Variants in MSRA observed in about 807,000 individuals in gnomAD.
The protein encoded by MSRA is methionine sulfoxide reductase A, also known as mitochondrial peptide methionine sulfoxide reductase.
MSRA carries 54 observed loss-of-function variants against 31.3 expected under a neutral mutation model. The ratio of observed to expected loss-of-function variants is 1.73; its 90% CI spans 1.39 to 2.17. MSRA has a LOEUF of 2.17. MSRA is among the 30% of genes most tolerant of loss of function. The pLI, the probability that MSRA is intolerant of heterozygous loss-of-function variation, is 0.00. For synonymous variants in MSRA, 169 were observed against 116.5 expected, an observed-to-expected ratio of 1.45 and a Z score of -2.90; for missense variants, 507 against 300.9, an observed-to-expected ratio of 1.69 and a Z score of -5.07.
chr8:10,256,550 A>G (rs1036510947), intron 3 of MSRA, among the ~76,000 whole-genome samples: 2 of 152,226 alleles, frequency 1.3e-5, no homozygotes, highest in South Asian at 4.1e-4. Flanking sequence ...AGCTGATATC[A>G]GGCAACTGGG....
intron 1 of MSRA, among the ~76,000 whole-genome samples, chr8:10,151,093 G>A (rs1340902253): frequency 6.6e-6 from 1 of 151,644 alleles, no homozygotes; most frequent in Non-Finnish European, 1.5e-5. Context: ...AAAGGAGGAG[G>A]TTAGGGGAGG....
chr8:10,228,591 A>C (rs1379157525), intron 2 of MSRA, among the ~76,000 whole-genome samples: 2 of 152,318 alleles, frequency 1.3e-5, no homozygotes, highest in East Asian at 3.9e-4. Flanking sequence ...AGGCATCCGT[A>C]GTGGTCCACA....
At position 10,103,870 on chromosome 8, in the gene MSRA, A is replaced by G. The variant is rs544742795; in HGVS notation, c.142+49212A>G. 1.7e-3 allele frequency among the ~76,000 whole-genome samples: 265 copies of G among 152,244 alleles called. 1 individual carries two copies. Among genetic ancestry groups the G allele is most frequent in the African/African-American group, 6.1e-3 (255 of 41,540 alleles). On this transcript the variant is annotated intron_variant, in intron 1 of 5. Transcript: ENST00000317173. Reference sequence around the variant, plus strand: ...GTTAAAAAAAAAAATTAAGGATATAACTAAAGCCTTACTCTCTCTCACGTC... The same window carrying G: ...GTTAAAAAAAAAAATTAAGGATATAGCTAAAGCCTTACTCTCTCTCACGTC...
At chr8:10,218,525 A>G (rs1810204959) in intron 2 of MSRA, among the ~76,000 whole-genome samples, 1 of 152,202 alleles carries the variant, frequency 6.6e-6, no homozygotes, top group African/African-American at 2.4e-5. Context: ...AAACTGCAAG[A>G]TATTCTAATT....
chr8:10,125,017 G>GCTTTGATGCAATTCACCTGTTC (rs1160922959), intron 1 of MSRA, among the ~76,000 whole-genome samples: 88 of 152,312 alleles, frequency 5.8e-4, no homozygotes, highest in African/African-American at 1.9e-3. Flanking sequence ...AAACTAAGGT[G>GCTTTGATGCAATTCACCTGTTC]CTTTGATGCA....
chr8:10,343,669 T>G (rs1803586106), intron 5 of MSRA, among the ~76,000 whole-genome samples: 2 of 151,444 alleles, frequency 1.3e-5, no homozygotes, highest in African/African-American at 2.5e-5. Context: ...TAAAGGGTGC[T>G]GGGGGGTCCC....
intron 1 of MSRA, among the ~76,000 whole-genome samples, chr8:10,194,596 G>C (rs1384260957): frequency 6.6e-6 from 1 of 152,182 alleles, no homozygotes; most frequent in Non-Finnish European, 1.5e-5. Context: ...TATTACTCTG[G>C]GGACTGCAGC....
chr8:10,146,453 G>C (rs187663995), intron 1 of MSRA, among the ~76,000 whole-genome samples: 3 of 152,328 alleles, frequency 2.0e-5, no homozygotes, highest in Non-Finnish European at 4.4e-5. Context: ...AGAACTGTGA[G>C]TAAAACAGCT....
At chr8:10,318,997 C>T (rs924830227) in intron 4 of MSRA, among the ~76,000 whole-genome samples, 1 of 152,198 alleles carries the variant, frequency 6.6e-6, no homozygotes, top group African/African-American at 2.4e-5. Flanking sequence ...AGACAAGTCA[C>T]TTCCTTGATC....
intron 5 of MSRA, among the ~76,000 whole-genome samples, chr8:10,408,582 G>A (rs1370721022): frequency 6.6e-6 from 1 of 152,086 alleles, no homozygotes; most frequent in Non-Finnish European, 1.5e-5. Flanking sequence ...AAAAAATCCA[G>A]GTTTTAATTT....
At chr8:10,264,656 C>T (rs565333616) in intron 3 of MSRA, among the ~76,000 whole-genome samples, 31 of 152,020 alleles carry the variant, frequency 2.0e-4, no homozygotes, top group African/African-American at 7.5e-4. Context: ...GCTGGGGGTC[C>T]CAAGGTGAGG....
chr8:10,221,735 AAG>A (rs1214209239), intron 2 of MSRA, among the ~76,000 whole-genome samples: 1 of 152,222 alleles, frequency 6.6e-6, no homozygotes, highest in Middle Eastern at 3.2e-3. Context: ...AAAGCAGGGA[AAG>A]AGAATAGGAA....
intron 1 of MSRA, among the ~76,000 whole-genome samples, chr8:10,125,117 G>C (rs1159028063): frequency 6.6e-6 from 1 of 152,226 alleles, no homozygotes; most frequent in African/African-American, 2.4e-5. Flanking sequence ...AAGACTTCCA[G>C]ATTTTGAGGA....
chr8:10,387,954 T>C (rs1303307919), intron 5 of MSRA, among the ~76,000 whole-genome samples: 4 of 152,208 alleles, frequency 2.6e-5, no homozygotes, highest in Admixed American at 6.5e-5. Context: ...AAGCCGCCTA[T>C]TTTAGGGTAT....
chr8:10,346,820 G>A (rs1803808441), intron 5 of MSRA, among the ~76,000 whole-genome samples: 1 of 152,226 alleles, frequency 6.6e-6, no homozygotes, highest in African/African-American at 2.4e-5. Flanking sequence ...GGGGCTGATT[G>A]CTAAAGGGGT....
chr8:10,195,896 G>A (rs1358810774), intron 1 of MSRA, among the ~76,000 whole-genome samples: 8 of 152,220 alleles, frequency 5.3e-5, no homozygotes, highest in African/African-American at 1.9e-4. Flanking sequence ...CAATAGCCCT[G>A]ACCTTACCCT....
chr8:10,136,930 G>C (rs1287742935), intron 1 of MSRA, among the ~76,000 whole-genome samples: 3 of 152,218 alleles, frequency 2.0e-5, no homozygotes, highest in Non-Finnish European at 4.4e-5. Context: ...ACGGCAAATA[G>C]TCTGTCAAAC....
rs144240113 is a variant in MSRA, at chr8:10,380,444, C to T, written c.544-47704C>T. 3.0e-4 allele frequency among the ~76,000 whole-genome samples: 46 copies of T among 152,320 alleles called. 1 individual carries two copies. The highest frequency in any genetic ancestry group is 3.4e-3 in the Middle Eastern group (1 of 294). ...TTTTTGAGAGCATCATTGCAATTCACTTTTCAAATTTCTTTCTTTAAGGCT... is the reference window on the plus strand; with the variant it reads ...TTTTTGAGAGCATCATTGCAATTCATTTTTCAAATTTCTTTCTTTAAGGCT... On this transcript the variant is annotated intron_variant, in intron 5 of 5. Coordinates refer to ENST00000317173, the MANE Select transcript of MSRA (RefSeq NM_012331.5).
chr8:10,242,813 A>C (rs1563260429), intron 2 of MSRA, among the ~76,000 whole-genome samples: 1 of 152,130 alleles, frequency 6.6e-6, no homozygotes, highest in African/African-American at 2.4e-5. Flanking sequence ...ATGTTGCTTC[A>C]TGGAGTTTTA....
Sources: allele counts gnomAD v4.1 joint callset (sites outside exome capture counted in the v4.1 genomes callset), GRCh38; gene constraint gnomAD v4.1.1; transcripts MANE v1.5; gene names NCBI Gene and HGNC (gene_info 2026-07-23, HGNC 2026-07-21).